Variants in SORCS1 observed in about 807,000 individuals in gnomAD.
SORCS1 encodes the protein VPS10 domain-containing receptor SorCS1.
SORCS1 carries 60 observed loss-of-function variants against 146.1 expected under a neutral mutation model. The ratio of observed to expected loss-of-function variants is 0.41; its 90% CI spans 0.33 to 0.51. The LOEUF (loss-of-function observed/expected upper bound fraction) is 0.51. Among genes scored for constraint, SORCS1 ranks in the 20% least tolerant of loss-of-function variants. The probability of loss-of-function intolerance (pLI) is 0.21; values close to 1 mark genes in which losing one functional copy is unlikely to be tolerated. For missense variants in SORCS1, 1,352 were observed against 1,487.6 expected, an observed-to-expected ratio of 0.91 and a Z score of 1.50; for synonymous variants, 637 against 584.0, an observed-to-expected ratio of 1.09 and a Z score of -1.31.
intron 1 of SORCS1, among the ~76,000 whole-genome samples, chr10:107,032,537 G>C (rs1958708158): frequency 6.6e-6 from 1 of 152,050 alleles, no homozygotes; most frequent in Admixed American, 6.6e-5. Flanking sequence ...TCTACCTCTA[G>C]TTTCCTGGAG....
At chr10:106,660,102 AGAG>A (rs1419812704) in intron 17 of SORCS1, among the ~76,000 whole-genome samples, 1 of 152,146 alleles carries the variant, frequency 6.6e-6, no homozygotes, top group Non-Finnish European at 1.5e-5. Context: ...AGTATCCTTG[AGAG>A]GAGATCAGAC....
At chr10:106,829,383 C>T (rs1948440887) in intron 3 of SORCS1, among the ~76,000 whole-genome samples, 191 bp downstream of exon 3, 1 of 152,186 alleles carries the variant, frequency 6.6e-6, no homozygotes, top group Admixed American at 6.5e-5. Context: ...CCCTCACCCT[C>T]TTACATTCAC....
chr10:106,887,233 T>G (rs1951034600), intron 2 of SORCS1, among the ~76,000 whole-genome samples: 1 of 152,206 alleles, frequency 6.6e-6, no homozygotes, highest in Admixed American at 6.5e-5. Context: ...AAGCAACTGT[T>G]GATACATTAA....
chr10:106,674,953 C>T (rs575933630), intron 14 of SORCS1, 96 bp downstream of exon 14: 13 of 945,788 alleles, frequency 1.4e-5, no homozygotes, highest in Admixed American at 6.5e-5. Context: ...CAACCTTGAA[C>T]CTAACAGCTG....
chr10:106,636,953 C>G (rs913568092), intron 18 of SORCS1, among the ~76,000 whole-genome samples: 25 of 152,166 alleles, frequency 1.6e-4, no homozygotes, highest in African/African-American at 6.0e-4. Context: ...ACTTTGTAAG[C>G]TTCGCTAACT....
intron 18 of SORCS1, among the ~76,000 whole-genome samples, chr10:106,634,942 C>A (rs974995595): frequency 1.3e-5 from 2 of 152,164 alleles, no homozygotes; most frequent in African/African-American, 4.8e-5. Flanking sequence ...GCTCTTTAGT[C>A]ACATGTCCTA....
At chr10:107,129,432 G>A (rs1966846953) in intron 1 of SORCS1, among the ~76,000 whole-genome samples, 1 of 152,230 alleles carries the variant, frequency 6.6e-6, no homozygotes, top group African/African-American at 2.4e-5. Flanking sequence ...GGCATAAAAA[G>A]AAGGGAGAAA....
intron 2 of SORCS1, among the ~76,000 whole-genome samples, chr10:106,942,832 A>T (rs1954117414): frequency 6.6e-6 from 1 of 151,742 alleles, no homozygotes; most frequent in African/African-American, 2.4e-5. Context: ...TTCTCCACTA[A>T]TTTTTCTATA....
chr10:106,896,889 G>GTTTT lies in SORCS1; in HGVS notation c.626+59620_626+59623dup, dbSNP rs869027396. Among the ~76,000 whole-genome samples the GTTTT allele has an allele frequency of 1.8e-3, 221 of 119,870 alleles. 8 individuals carry two copies. Among genetic ancestry groups the GTTTT allele is most frequent in the African/African-American group, 6.4e-3 (192 of 29,864 alleles). The allele number at this position is 119,870 out of a possible 152,430, so 78.6% of individuals were successfully genotyped here. On this transcript the variant is annotated intron_variant, in intron 2 of 25. Transcript: ENST00000263054. ...TTCCATAATCTATGCACCAAATACTGTTTTTTTTTTTTTTTTTTTGAGATG... is the reference window on the plus strand; with the variant it reads ...TTCCATAATCTATGCACCAAATACTGTTTTTTTTTTTTTTTTTTTTTTTGAGATG...
intron 2 of SORCS1, among the ~76,000 whole-genome samples, chr10:106,864,815 C>G (rs533982184): frequency 6.6e-6 from 1 of 152,316 alleles, no homozygotes; most frequent in East Asian, 1.9e-4. Context: ...ACCAAGGTAA[C>G]CAGGGGCTGA....
chr10:107,008,722 G>A (rs1957557086), intron 1 of SORCS1, among the ~76,000 whole-genome samples: 1 of 152,224 alleles, frequency 6.6e-6, no homozygotes. Flanking sequence ...TATGGGCCGG[G>A]TGCGGTGGCT....
intron 1 of SORCS1, among the ~76,000 whole-genome samples, chr10:107,032,187 G>A (rs573343527): frequency 2.0e-5 from 3 of 152,146 alleles, no homozygotes; most frequent in South Asian, 2.1e-4. Flanking sequence ...TAAAAGACAC[G>A]TAGACACACA....
At chr10:106,955,647 C>T in intron 2 of SORCS1, among the ~76,000 whole-genome samples, 1 of 152,174 alleles carries the variant, frequency 6.6e-6, no homozygotes, top group East Asian at 1.9e-4. Flanking sequence ...CATGCCTGTG[C>T]TGCTGGTGAG....
At chr10:107,021,490 G>C (rs189125161) in intron 1 of SORCS1, among the ~76,000 whole-genome samples, 1 of 113,568 alleles carries the variant, frequency 8.8e-6, no homozygotes, top group East Asian at 2.9e-4. Flanking sequence ...CTCCAGTCTA[G>C]GCAACAGAGC....
chr10:106,590,084 T>C (rs1845509292), intron 24 of SORCS1, among the ~76,000 whole-genome samples: 1 of 152,124 alleles, frequency 6.6e-6, no homozygotes, highest in Non-Finnish European at 1.5e-5. Flanking sequence ...TATTTGAGGG[T>C]ATATATCTAG....
intron 3 of SORCS1, among the ~76,000 whole-genome samples, chr10:106,823,008 C>T (rs1948129213): frequency 6.6e-6 from 1 of 151,956 alleles, no homozygotes; most frequent in African/African-American, 2.4e-5. Context: ...GTCTCAAACT[C>T]CCGACCTCAG....
the SORCS1 span, among the ~76,000 whole-genome samples, chr10:107,174,354 C>T: frequency 6.6e-6 from 1 of 151,982 alleles, no homozygotes; most frequent in Non-Finnish European, 1.5e-5. Flanking sequence ...TACAGGCGCC[C>T]GCCACCATTC....
intron 1 of SORCS1, among the ~76,000 whole-genome samples, chr10:107,137,258 T>C (rs898510910): frequency 6.6e-6 from 1 of 152,146 alleles, no homozygotes; most frequent in African/African-American, 2.4e-5. Flanking sequence ...TGCCAGAGCA[T>C]TCCGAGGCCA....
chr10:107,115,291 T>C (rs989677585), intron 1 of SORCS1, among the ~76,000 whole-genome samples: 2 of 149,110 alleles, frequency 1.3e-5, no homozygotes, highest in African/African-American at 2.5e-5. Flanking sequence ...AGACCTGAAA[T>C]AGCCAAAGCA....
Sources: gnomAD v4.1 joint callset for allele counts (sites outside exome capture counted in the v4.1 genomes callset) on GRCh38, gnomAD v4.1.1 for gene constraint, MANE v1.5 for transcripts, NCBI Gene and HGNC (gene_info 2026-07-23, HGNC 2026-07-21) for gene names.